The following ANO4 variants were observed in gnomAD, a reference collection of about 807,000 sequenced individuals.
ANO4 encodes the protein anoctamin 4.
ANO4 carries 69 observed loss-of-function variants against 141.9 expected under a neutral mutation model. The observed-to-expected ratio is 0.49, with a 90% CI of 0.40 to 0.59. The LOEUF (loss-of-function observed/expected upper bound fraction) is 0.59, where lower values mean the gene tolerates loss of function less well. ANO4 is among the 20% of genes least tolerant of loss of function. The pLI, the probability that ANO4 is intolerant of heterozygous loss-of-function variation, is 0.00. For missense variants in ANO4, 894 were observed against 1,162.2 expected (o/e 0.77, Z 3.36); for synonymous variants, 350 against 394.3 (o/e 0.89, Z 1.33).
chr12:100,778,154 C>T (rs551717213), intron 3 of ANO4, among the ~76,000 whole-genome samples: 7 of 152,152 alleles, frequency 4.6e-5, no homozygotes, highest in African/African-American at 7.2e-5. Flanking sequence ...CTCCTGACCT[C>T]GTGATCCGCC....
Position 101,086,842 on chromosome 12 carries a change from G to C in ANO4, c.1701+18G>C, listed in dbSNP as rs1424209086. On this transcript the variant is annotated intron_variant, in intron 17 of 27. Coordinates refer to ENST00000392977, the MANE Select transcript of ANO4 (RefSeq NM_001286615.2). ...TGAATGTGGTAAGTGAGCTGCAGTG[G>C]CTAGCCAAACGGATCAAAATGTGTG... 6.2e-7 allele frequency: 1 copy of C among 1,609,606 alleles called. No homozygotes were observed. The highest frequency in any genetic ancestry group is 1.7e-5 in the Admixed American group (1 of 59,882).
chr12:100,735,479 A>C (rs1408024882), intron 2 of ANO4, among the ~76,000 whole-genome samples: 1 of 152,180 alleles, frequency 6.6e-6, no homozygotes, highest in East Asian at 1.9e-4. Context: ...GGGGGGTGAC[A>C]AGACAAATGT....
At chr12:100,868,798 G>T (rs1342149705) in intron 1 of ANO4, among the ~76,000 whole-genome samples, 1 of 152,220 alleles carries the variant, frequency 6.6e-6, no homozygotes, top group Admixed American at 6.5e-5. Flanking sequence ...GCAGGGATCA[G>T]CTCAGGACCA....
intron 8 of ANO4, among the ~76,000 whole-genome samples, chr12:100,990,268 G>C (rs1036806322): frequency 6.6e-6 from 1 of 152,134 alleles, no homozygotes; most frequent in Non-Finnish European, 1.5e-5. Flanking sequence ...AGGGTTATAG[G>C]TGTATGGAAG....
intron 3 of ANO4, among the ~76,000 whole-genome samples, chr12:100,932,682 A>G (rs2042128584): frequency 1.3e-5 from 2 of 152,106 alleles, no homozygotes; most frequent in Non-Finnish European, 1.5e-5. Flanking sequence ...CCTTTTCATC[A>G]TGTAAAGATC....
chr12:101,070,212 T>G (rs2048753972), intron 14 of ANO4, among the ~76,000 whole-genome samples: 1 of 151,958 alleles, frequency 6.6e-6, no homozygotes. Flanking sequence ...TAGCCAAAGT[T>G]ATACTGAGCA....
intron 8 of ANO4, among the ~76,000 whole-genome samples, chr12:100,998,276 C>T (rs1402194243): frequency 6.6e-6 from 1 of 152,178 alleles, no homozygotes; most frequent in East Asian, 1.9e-4. Flanking sequence ...ACTCCAAGTT[C>T]TTAAGTCTTG....
chr12:100,731,277 A>T (rs2031369315), intron 1 of ANO4, among the ~76,000 whole-genome samples: 1 of 152,070 alleles, frequency 6.6e-6, no homozygotes, highest in Non-Finnish European at 1.5e-5. Flanking sequence ...ATTTAATATG[A>T]CTCTTGTAAC....
At chr12:100,757,631 G>A (rs543338317) in intron 3 of ANO4, among the ~76,000 whole-genome samples, 7 of 152,292 alleles carry the variant, frequency 4.6e-5, no homozygotes, top group Admixed American at 2.6e-4. Context: ...AAAAACCTTT[G>A]AAGGCCACTG....
intron 3 of ANO4, among the ~76,000 whole-genome samples, chr12:100,763,349 A>G (rs563499263): frequency 6.6e-6 from 1 of 152,264 alleles, no homozygotes; most frequent in South Asian, 2.1e-4. Flanking sequence ...ATTTTTTCTT[A>G]TTTTGAAGCA....
intron 5 of ANO4, among the ~76,000 whole-genome samples, chr12:100,970,227 C>T (rs73375054): frequency 0.021 from 3,248 of 152,312 alleles, 105 homozygotes; most frequent in African/African-American, 0.074. Flanking sequence ...TCTTCTCCCT[C>T]ATCATTTATT....
At chr12:100,792,075 C>T (rs113822224), upstream of ANO4, among the ~76,000 whole-genome samples, 5,018 of 152,026 alleles carry the variant, frequency 0.033, 121 homozygotes, top group Non-Finnish European at 0.048. Flanking sequence ...CCTACCCTCT[C>T]GGTGGTCTGG....
At chr12:100,887,444 T>C (rs563317918) in intron 1 of ANO4, among the ~76,000 whole-genome samples, 4 of 152,344 alleles carry the variant, frequency 2.6e-5, no homozygotes, top group Non-Finnish European at 4.4e-5. Context: ...TGCCAAATAG[T>C]TAAATTTGTT....
intron 8 of ANO4, among the ~76,000 whole-genome samples, chr12:101,010,497 C>A (rs1473831702): frequency 6.6e-6 from 1 of 152,112 alleles, no homozygotes; most frequent in African/African-American, 2.4e-5. Context: ...ACAATCTTCT[C>A]ATCTTTTTGC....
chr12:100,722,454 C>T lies in ANO4; in HGVS notation c.22+4907C>T, dbSNP rs557421989. ...TGACCCTAGCATCCCACCCTCTGGG[C>T]GGGAGGTTGTTTGAGGCCTTCTCAG... On this transcript the variant is annotated intron_variant, in intron 1 of 29. Coordinates refer to the ANO4 transcript ENST00000644049. Among the ~76,000 whole-genome samples, 321 of 152,218 alleles carry T rather than the reference C, an allele frequency of 2.1e-3. 1 individual carries two copies. The highest frequency in any genetic ancestry group is 6.5e-3 in the African/African-American group (270 of 41,556).
intron 3 of ANO4, among the ~76,000 whole-genome samples, chr12:100,753,465 C>G (rs1237712163): frequency 1.3e-5 from 2 of 151,000 alleles, no homozygotes; most frequent in Non-Finnish European, 2.9e-5. Flanking sequence ...TCCTCATACC[C>G]TGGGTAGATT....
intron 1 of ANO4, among the ~76,000 whole-genome samples, chr12:100,731,117 G>A (rs542831554): frequency 4.6e-5 from 7 of 152,196 alleles, no homozygotes; most frequent in East Asian, 1.9e-4. Context: ...GAATTGATAC[G>A]TTTCTAGGCA....
At chr12:100,814,473 G>C (rs1339759404) in intron 1 of ANO4, among the ~76,000 whole-genome samples, 5 of 144,004 alleles carry the variant, frequency 3.5e-5, no homozygotes, top group African/African-American at 1.2e-4. Context: ...GAGGGGCAGG[G>C]CCAGAATTTT....
At chr12:100,950,001 T>C (rs2136201659) in intron 5 of ANO4, among the ~76,000 whole-genome samples, 1 of 152,296 alleles carries the variant, frequency 6.6e-6, no homozygotes, top group Admixed American at 6.5e-5. Context: ...CCTTGTAGAC[T>C]TCCTGCCCAA....
Sources: gnomAD v4.1 joint callset for allele counts (sites outside exome capture counted in the v4.1 genomes callset) on GRCh38, gnomAD v4.1.1 for gene constraint, MANE v1.5 for transcripts, NCBI Gene and HGNC (gene_info 2026-07-23, HGNC 2026-07-21) for gene names.